SP140: variants seen among roughly 807,000 people sequenced by gnomAD.
The protein encoded by SP140 is nuclear body protein SP140.
SP140 carries 81 observed loss-of-function variants against 125.0 expected under a neutral mutation model. The ratio of observed to expected loss-of-function variants is 0.65; its 90% confidence interval spans 0.54 to 0.78. The LOEUF is 0.78. SP140 is among the 30% of genes least tolerant of loss of function. The pLI is 0.00. For synonymous variants in SP140, 312 were observed against 354.0 expected (o/e 0.88, Z 1.33); for missense variants, 858 against 1,037.0 (o/e 0.83, Z 2.37).
chr2:230,250,307 C>T (rs926060995), intron 9 of SP140, among the ~76,000 whole-genome samples: 16 of 152,190 alleles, frequency 1.1e-4, no homozygotes, highest in Non-Finnish European at 2.2e-4. Flanking sequence ...AATTATCCTT[C>T]CTGTGGATTT....
intron 1 of SP140, among the ~76,000 whole-genome samples, chr2:230,230,245 C>T (rs980874529): frequency 6.6e-6 from 1 of 152,104 alleles, no homozygotes; most frequent in African/African-American, 2.4e-5. Context: ...AATGAAATCA[C>T]AGGGGGTTGA....
upstream of SP140, chr2:230,201,092 A>T: frequency 1.3e-6 from 1 of 767,740 alleles, no homozygotes; most frequent in Non-Finnish European, 2.3e-6. Context: ...CCCTCCTAAC[A>T]ATGCATCTAC....
chr2:230,265,797 G>A (rs901679796), intron 12 of SP140, among the ~76,000 whole-genome samples: 12 of 152,006 alleles, frequency 7.9e-5, no homozygotes, highest in Admixed American at 7.9e-4. Context: ...TTACGGGGGG[G>A]GGCGGTCTCC....
chr2:230,284,390 CAGG>C lies in SP140; in HGVS notation c.1545_1547del (p.Glu516del). The C allele has an allele frequency of 1.2e-6, 2 of 1,608,596 alleles. No homozygotes were observed. Among genetic ancestry groups the C allele is most frequent in the Non-Finnish European group, 1.7e-6 (2 of 1,177,694 alleles). On this transcript the variant is annotated inframe_deletion, in exon 16 of 27. Transcript: ENST00000392045. ...CTGGAGCAGAATGAGAATGAGAAGG[CAGG>C]AAAACAGCCAACAAAATGGTAAGCA... is the stretch of plus-strand genomic sequence containing the variant.
the SP140 span, among the ~76,000 whole-genome samples, chr2:230,196,545 A>T: frequency 1.7e-4 from 25 of 151,266 alleles, no homozygotes; most frequent in East Asian, 1.2e-3. Flanking sequence ...CTTTTTTTTA[A>T]AATTTTATTA....
chr2:230,227,940 C>G (rs1028923457), intron 1 of SP140, among the ~76,000 whole-genome samples: 1 of 151,738 alleles, frequency 6.6e-6, no homozygotes, highest in African/African-American at 2.4e-5. Context: ...AATTTTTTTT[C>G]CTGCTTGCAT....
intron 23 of SP140, chr2:230,310,249 A>G: frequency 1.7e-6 from 1 of 572,350 alleles, no homozygotes; most frequent in Non-Finnish European, 3.1e-6. Flanking sequence ...ACCTCCTCTG[A>G]TATGCTGAGG....
rs1479182759 is a variant in SP140 at position 230,211,374 on chromosome 2, G to A, written c.-322-2280G>A. ...GCTGGGCCAAGATTGCTGAGAGGCAGGAGGAGAGCCCCCTCTCTAGAAGAT... is the reference window on the plus strand; with the variant it reads ...GCTGGGCCAAGATTGCTGAGAGGCAAGAGGAGAGCCCCCTCTCTAGAAGAT... On this transcript the variant is annotated intron_variant, in intron 1 of 4. Transcript: ENST00000456542. This position sits in a 1 kb window ranked among gnomAD's most constrained non-coding sequence, Gnocchi z 4.2. 4 of 833,178 alleles carry A rather than the reference G, an allele frequency of 4.8e-6. No homozygotes were observed. The highest frequency in any genetic ancestry group is 3.3e-5 in the African/African-American group (2 of 60,156). The allele number at this position is 833,178 out of a possible 1,614,324, so 51.6% of individuals were successfully genotyped here.
intron 3 of SP140, among the ~76,000 whole-genome samples, 180 bp from the exon 4 acceptor site, chr2:230,241,224 G>C (rs954095011): frequency 6.6e-6 from 1 of 152,062 alleles, no homozygotes; most frequent in African/African-American, 2.4e-5. Context: ...TGGGATGTTG[G>C]TTTCACAATG....
intron 19 of SP140, among the ~76,000 whole-genome samples, chr2:230,290,835 A>G (rs1323671775): frequency 6.6e-6 from 1 of 152,198 alleles, no homozygotes; most frequent in African/African-American, 2.4e-5. Context: ...CACGTATTTT[A>G]CTTTGAATCA....
intron 15 of SP140, among the ~76,000 whole-genome samples, chr2:230,282,445 C>A (rs1385506522): frequency 1.3e-5 from 2 of 152,170 alleles, no homozygotes; most frequent in East Asian, 3.8e-4. Flanking sequence ...ACCCCATCAG[C>A]CACTCTGATT....
chr2:230,249,348 A>G (rs943003190), intron 9 of SP140, among the ~76,000 whole-genome samples: 1 of 152,184 alleles, frequency 6.6e-6, no homozygotes, highest in African/African-American at 2.4e-5. Flanking sequence ...GATCTGGAGC[A>G]CAGACATGTT....
chr2:230,294,597 G>C (rs1194022845), intron 21 of SP140, among the ~76,000 whole-genome samples: 1 of 152,228 alleles, frequency 6.6e-6, no homozygotes, highest in Admixed American at 6.5e-5. Context: ...AATAGATGCA[G>C]ATGTCTTAAG....
intron 20 of SP140, among the ~76,000 whole-genome samples, chr2:230,293,557 G>A (rs535557213): frequency 1.3e-5 from 2 of 152,116 alleles, no homozygotes; most frequent in East Asian, 1.9e-4. Context: ...GGCTGATCTC[G>A]AATTCCTGGC....
At chr2:230,252,146 A>G (rs1440338574) in intron 10 of SP140, among the ~76,000 whole-genome samples, 4 of 151,996 alleles carry the variant, frequency 2.6e-5, no homozygotes, top group African/African-American at 9.7e-5. Flanking sequence ...GTATGTAAAT[A>G]TAATCCATGA....
intron 12 of SP140, among the ~76,000 whole-genome samples, chr2:230,265,123 G>A (rs115712013): frequency 0.014 from 2,077 of 152,060 alleles, 50 homozygotes; most frequent in African/African-American, 0.046. Context: ...TAAGACTCTC[G>A]TTGGACATGT....
intron 3 of SP140, 35 bp from the exon 4 acceptor site, chr2:230,241,365 ACTGT>A (rs745764420): frequency 7.9e-7 from 1 of 1,268,416 alleles, no homozygotes. Context: ...TCCTCTGGTC[ACTGT>A]CTGAGTTTGG....
intron 15 of SP140, among the ~76,000 whole-genome samples, chr2:230,282,623 C>A (rs1372522770): frequency 6.9e-6 from 1 of 144,442 alleles, no homozygotes; most frequent in African/African-American, 2.6e-5. Context: ...CATAGTGAGA[C>A]CCCGTATCTA....
chr2:230,220,208 A>G (rs1285391646), intron 3 of SP140: 1 of 311,142 alleles, frequency 3.2e-6, no homozygotes, highest in Non-Finnish European at 4.7e-6. Flanking sequence ...AGGAGGAGGC[A>G]TAAGGGTACA....
Sources: allele counts gnomAD v4.1 joint callset (sites outside exome capture counted in the v4.1 genomes callset), GRCh38; gene constraint gnomAD v4.1.1; non-coding constraint Gnocchi (gnomAD v3.1); transcripts MANE v1.5; gene names NCBI Gene and HGNC (gene_info 2026-07-23, HGNC 2026-07-21).